Variants in DMXL1 observed in about 807,000 individuals in gnomAD.
DMXL1 encodes the protein Dmx like 1, also known as dmX-like protein 1.
In DMXL1, 99 loss-of-function variants were observed where a neutral mutation model predicts 319.2. The observed-to-expected ratio is 0.31, with a 90% CI of 0.26 to 0.37. DMXL1 has a LOEUF of 0.37. DMXL1 is among the 10% of genes least tolerant of loss of function. DMXL1 has a pLI of 1.00. For missense variants in DMXL1, 3,745 were observed against 3,595.6 expected (o/e 1.04, Z -1.06); for synonymous variants, 1,385 against 1,235.2 (o/e 1.12, Z -2.54).
At chr5:119,218,962 A>G (rs1784177714) in intron 35 of DMXL1, among the ~76,000 whole-genome samples, 2 of 152,168 alleles carry the variant, frequency 1.3e-5, no homozygotes, top group African/African-American at 4.8e-5. Context: ...TGCCACAGAA[A>G]CAGTTCTGTT....
intron 25 of DMXL1, among the ~76,000 whole-genome samples, chr5:119,174,915 G>C (rs1775495554): frequency 6.6e-6 from 1 of 152,136 alleles, no homozygotes; most frequent in Admixed American, 6.5e-5. Context: ...TTCACATTTT[G>C]GTTGAGGAAA....
chr5:119,082,791 T>A (rs1752524695), intron 1 of DMXL1, among the ~76,000 whole-genome samples: 5 of 152,250 alleles, frequency 3.3e-5, no homozygotes, highest in Non-Finnish European at 7.3e-5. Context: ...ACAGTAGTGA[T>A]CTGTCCAACA....
At chr5:119,222,611 T>A (rs985266099) in intron 37 of DMXL1, among the ~76,000 whole-genome samples, 15 of 152,194 alleles carry the variant, frequency 9.9e-5, no homozygotes, top group African/African-American at 3.6e-4. Flanking sequence ...CTCTTCCTAC[T>A]TCTATTCTTT....
chr5:119,109,516 C>A (rs1276945766), intron 4 of DMXL1, among the ~76,000 whole-genome samples: 1 of 152,212 alleles, frequency 6.6e-6, no homozygotes, highest in Non-Finnish European at 1.5e-5. Context: ...TTCACAGTCT[C>A]ACCTTGGCAT....
chr5:119,141,232 A>G (rs78999337), intron 13 of DMXL1, among the ~76,000 whole-genome samples: 140 of 152,284 alleles, frequency 9.2e-4, no homozygotes, highest in Non-Finnish European at 1.7e-3. Context: ...CCTATTCAGC[A>G]TATTATTGGA....
rs373434175 is a variant in DMXL1, at chr5:119,170,958, G to A, written c.6167G>A (p.Arg2056His). 372 of 1,613,718 alleles carry A rather than the reference G, an allele frequency of 2.3e-4. 3 individuals carry two copies. The South Asian group carries it at 3.8e-3, about 17-fold the overall frequency. ...TGYEIDGGKL[R>H]YQLYHWLEKE... ...TATGAAATAGATGGTGGAAAATTGCGTTACCAACTATACCACTGGCTTGAA... is the reference window on the plus strand; with the variant it reads ...TATGAAATAGATGGTGGAAAATTGCATTACCAACTATACCACTGGCTTGAA... Residue 2056 changes from arginine (R) to histidine (H), a missense_variant, in exon 24 of 44, where the codon CGT (arginine) becomes CAT (histidine). By Grantham distance (29) the Arg-to-His change is conservative. Coordinates refer to ENST00000539542, the MANE Select transcript of DMXL1 (RefSeq NM_001290321.3).
intron 28 of DMXL1, among the ~76,000 whole-genome samples, chr5:119,185,652 AC>A (rs1777582048): frequency 6.6e-6 from 1 of 151,954 alleles, no homozygotes; most frequent in Non-Finnish European, 1.5e-5. Flanking sequence ...ACAGGTGCAC[AC>A]CACGACACTT....
At chr5:119,154,371 C>T (rs1230037457) in intron 19 of DMXL1, among the ~76,000 whole-genome samples, 5 of 152,202 alleles carry the variant, frequency 3.3e-5, no homozygotes, top group South Asian at 4.1e-4. Context: ...GGAAACTAAA[C>T]GTTCTCCATT....
At chr5:119,188,848 TA>T (rs1778216621) in intron 28 of DMXL1, among the ~76,000 whole-genome samples, 1 of 152,256 alleles carries the variant, frequency 6.6e-6, no homozygotes, top group Non-Finnish European at 1.5e-5. Context: ...CTTCAAACAA[TA>T]AAACCAAATT....
Position 119,116,146 on chromosome 5 carries a change from T to G in DMXL1, c.565-12T>G, listed in dbSNP as rs752790076. On this transcript the variant is annotated splice_polypyrimidine_tract_variant and intron_variant, in intron 6 of 43. Transcript: ENST00000539542. ...TCTCCATGATTTTCTGTTTTGTTTTTTTTTTCCTTAGGATGACTGTCTTTT... is the reference window on the plus strand; with the variant it reads ...TCTCCATGATTTTCTGTTTTGTTTTGTTTTTCCTTAGGATGACTGTCTTTT... 4 of 1,571,962 alleles carry G rather than the reference T, an allele frequency of 2.5e-6. No homozygotes were observed. Among genetic ancestry groups the G allele is most frequent in the South Asian group, 2.4e-5 (2 of 84,584 alleles).
chr5:119,079,846 C>G lies in DMXL1; in HGVS notation c.87+8190C>G, dbSNP rs1014417935. 5.1e-4 allele frequency among the ~76,000 whole-genome samples: 78 copies of G among 152,216 alleles called. 3 individuals are homozygous for G. The highest frequency in any genetic ancestry group is 6.5e-5 in the Admixed American group (1 of 15,278). On this transcript the variant is annotated intron_variant, in intron 1 of 43. Transcript: ENST00000539542. ...TACCATACTCGCCCCCAACCCCACC[C>G]TCTTAGTCATTCTCAGTGTTCTTTG...
chr5:119,185,213 C>T (rs890227292), intron 28 of DMXL1, among the ~76,000 whole-genome samples: 1 of 151,886 alleles, frequency 6.6e-6, no homozygotes, highest in Non-Finnish European at 1.5e-5. Context: ...TACCTCCTTC[C>T]CTTCTCCTTC....
chr5:119,109,553 CCTAT>C (rs1189297099), intron 4 of DMXL1, among the ~76,000 whole-genome samples: 1 of 152,286 alleles, frequency 6.6e-6, no homozygotes, highest in South Asian at 2.1e-4. Context: ...TTTTTTCTAG[CCTAT>C]CTGTGTACGT....
intron 26 of DMXL1, among the ~76,000 whole-genome samples, 193 bp from the exon 27 acceptor site, chr5:119,177,164 A>G (rs1208659896): frequency 6.6e-6 from 1 of 152,106 alleles, no homozygotes; most frequent in Non-Finnish European, 1.5e-5. Flanking sequence ...AATGTGTTTT[A>G]ATTTAGAAAA....
intron 38 of DMXL1, among the ~76,000 whole-genome samples, chr5:119,228,261 CAG>C (rs1459054257): frequency 7.2e-5 from 11 of 152,254 alleles, no homozygotes; most frequent in African/African-American, 2.4e-4. Flanking sequence ...TCCTTGAAGA[CAG>C]AGCACTTTAG....
intron 33 of DMXL1, among the ~76,000 whole-genome samples, chr5:119,204,619 G>C (rs1781442132): frequency 6.6e-6 from 1 of 151,514 alleles, no homozygotes; most frequent in African/African-American, 2.4e-5. Flanking sequence ...TGATGATATG[G>C]GGAACTTGTT....
At chr5:119,116,650 G>T (rs1036627972) in intron 7 of DMXL1, among the ~76,000 whole-genome samples, 2 of 152,086 alleles carry the variant, frequency 1.3e-5, no homozygotes, top group African/African-American at 4.8e-5. Flanking sequence ...ATTTTCTCCA[G>T]ATTGTTGTTT....
In DMXL1 at chr5:119,197,862, T is replaced by TC; in HGVS notation, c.7651_7652insC (p.Tyr2551SerfsTer71). On this transcript the variant is annotated frameshift_variant, in exon 32 of 44. Coordinates refer to ENST00000539542, the MANE Select transcript of DMXL1 (RefSeq NM_001290321.3). LOFTEE classifies it high-confidence loss of function. ...AATCCATGGTGGGCCACCTCAAAAT[T>TC]ATATCGCAAGTCATACCGCCGAAGA... The TC allele has an allele frequency of 6.2e-7, 1 of 1,614,166 alleles. No individual in the cohort carries two copies. The highest frequency in any genetic ancestry group is 8.5e-7 in the Non-Finnish European group (1 of 1,180,026).
chr5:119,118,147 A>G (rs1199199338), intron 7 of DMXL1, among the ~76,000 whole-genome samples: 2 of 152,236 alleles, frequency 1.3e-5, no homozygotes, highest in South Asian at 2.1e-4. Context: ...AAATTAACTG[A>G]AAGTCAAGGA....
Sources: allele counts gnomAD v4.1 joint callset (sites outside exome capture counted in the v4.1 genomes callset), GRCh38; gene constraint gnomAD v4.1.1; transcripts MANE v1.5; gene names NCBI Gene and HGNC (gene_info 2026-07-23, HGNC 2026-07-21).